MLLT3: variants seen among roughly 807,000 people sequenced by gnomAD.
The protein encoded by MLLT3 is MLLT3 super elongation complex subunit, also known as protein AF-9.
MLLT3 carries 4 observed loss-of-function variants against 53.2 expected under a neutral mutation model. The observed-to-expected ratio is 0.08, with a 90% CI of 0.04 to 0.17. The LOEUF (loss-of-function observed/expected upper bound fraction) is 0.17. Among genes scored for constraint, MLLT3 ranks in the 10% least tolerant of loss-of-function variants. The probability of loss-of-function intolerance (pLI) is 1.00; values close to 1 mark genes in which losing one functional copy is unlikely to be tolerated. For synonymous variants in MLLT3, 283 were observed against 230.6 expected (o/e 1.23, Z -2.06); for missense variants, 569 against 684.0 (o/e 0.83, Z 1.87).
At chr9:20,515,027 A>C (rs1310886747) in intron 2 of MLLT3, among the ~76,000 whole-genome samples, 1 of 143,544 alleles carries the variant, frequency 7.0e-6, no homozygotes, top group East Asian at 2.0e-4. Flanking sequence ...GCTCACCGCA[A>C]CCTCTGCCTC....
chr9:20,608,288 G>T (rs1160396636), intron 2 of MLLT3, among the ~76,000 whole-genome samples: 1 of 151,836 alleles, frequency 6.6e-6, no homozygotes, highest in Non-Finnish European at 1.5e-5. Flanking sequence ...GATTTTTAAA[G>T]TCAGATGTAG....
At chr9:20,546,910 GTTC>G in intron 2 of MLLT3, among the ~76,000 whole-genome samples, 1 of 152,316 alleles carries the variant, frequency 6.6e-6, no homozygotes, top group East Asian at 1.9e-4. Flanking sequence ...AGCAGTTGCA[GTTC>G]TTCTGCCCAG....
rs555349226 is a variant in MLLT3 at position 20,392,719 on chromosome 9, A to T, written c.1125+21002T>A. Reference sequence around the variant, plus strand: ...CATATCTTTATGAAATTTGCAATAAACATAACAAATAGGACAGGACAAAAG... The same window carrying T: ...CATATCTTTATGAAATTTGCAATAATCATAACAAATAGGACAGGACAAAAG... On this transcript the variant is annotated intron_variant, in intron 5 of 10. Coordinates refer to ENST00000380338, the MANE Select transcript of MLLT3 (RefSeq NM_004529.4). Among the ~76,000 whole-genome samples the T allele has an allele frequency of 2.6e-5, 4 of 152,286 alleles. No homozygotes were observed. In the South Asian group the frequency reaches 8.3e-4, roughly 32 times the overall value.
intron 4 of MLLT3, among the ~76,000 whole-genome samples, chr9:20,417,537 T>C (rs952096127): frequency 6.6e-6 from 1 of 151,894 alleles, no homozygotes; most frequent in African/African-American, 2.4e-5. Flanking sequence ...ATAATTCAAA[T>C]TCTCTTCGCC....
Position 20,419,021 on chromosome 9 carries a change from G to A in MLLT3, c.421-4596C>T, listed in dbSNP as rs62552435. ...TACAACAGCCTAAAGTCCCCTAACA[G>A]CTCAACCTCAATCCCAATGCACATA... On this transcript the variant is annotated intron_variant, in intron 4 of 10. Transcript: ENST00000380338. Among the ~76,000 whole-genome samples, 1,510 of 152,174 alleles carry A rather than the reference G, an allele frequency of 9.9e-3. 16 individuals carry two copies. The highest frequency in any genetic ancestry group is 0.015 in the Non-Finnish European group (996 of 68,016).
intron 2 of MLLT3, among the ~76,000 whole-genome samples, chr9:20,572,581 G>T (rs1288786752): frequency 6.6e-6 from 1 of 152,162 alleles, no homozygotes; most frequent in Non-Finnish European, 1.5e-5. Context: ...ATCACTTGAG[G>T]TCAGGGATTC....
chr9:20,558,915 G>A (rs996994208), intron 2 of MLLT3, among the ~76,000 whole-genome samples: 2 of 152,212 alleles, frequency 1.3e-5, no homozygotes, highest in Non-Finnish European at 2.9e-5. Flanking sequence ...GAAGGGGAGA[G>A]CATCTTTCTC....
chr9:20,522,786 G>T (rs950825674), intron 2 of MLLT3, among the ~76,000 whole-genome samples: 1 of 151,914 alleles, frequency 6.6e-6, no homozygotes, highest in Admixed American at 6.6e-5. Flanking sequence ...TATACAAAGG[G>T]CCCAGTGCAG....
At position 20,545,366 on chromosome 9, in the gene MLLT3, G is replaced by T. The variant is rs565034148; in HGVS notation, c.193+75288C>A. Among the ~76,000 whole-genome samples the T allele has an allele frequency of 3.9e-5, 6 of 152,256 alleles. No homozygotes were observed. In the South Asian group the frequency reaches 1.2e-3, roughly 32 times the overall value. On this transcript the variant is annotated intron_variant, in intron 2 of 10. Transcript: ENST00000380338. The stretch of plus-strand genomic sequence containing the variant: ...GGCATTTACAGTGGTCAAACTCACA[G>T]AAACACAAAGTAGAATGGTGGCTGC...
intron 2 of MLLT3, among the ~76,000 whole-genome samples, chr9:20,608,053 G>T (rs1478497171): frequency 6.6e-6 from 1 of 151,964 alleles, no homozygotes; most frequent in Admixed American, 6.6e-5. Flanking sequence ...ATCCAAAAAG[G>T]ACCACTTCTT....
intron 2 of MLLT3, among the ~76,000 whole-genome samples, chr9:20,495,898 C>G (rs1563786620): frequency 6.6e-6 from 1 of 152,168 alleles, no homozygotes; most frequent in Non-Finnish European, 1.5e-5. Context: ...AGTAGACAGT[C>G]AATGTTATAC....
intron 2 of MLLT3, among the ~76,000 whole-genome samples, chr9:20,586,395 TG>T (rs1166320497): frequency 7.2e-6 from 1 of 139,720 alleles, no homozygotes; most frequent in Non-Finnish European, 1.6e-5. Flanking sequence ...ATTCTGTGAC[TG>T]GAAAGAAAAA....
chr9:20,359,307 C>G (rs1266344645), intron 8 of MLLT3, among the ~76,000 whole-genome samples: 2 of 152,124 alleles, frequency 1.3e-5, no homozygotes, highest in Admixed American at 6.5e-5. Context: ...TGTCTTTCCT[C>G]TTTTTACTTT....
chr9:20,572,266 G>A (rs184624889), intron 2 of MLLT3, among the ~76,000 whole-genome samples: 3 of 152,234 alleles, frequency 2.0e-5, no homozygotes, highest in African/African-American at 7.2e-5. Flanking sequence ...CAGTTAAATG[G>A]AAGGAATAAG....
intron 2 of MLLT3, among the ~76,000 whole-genome samples, chr9:20,616,057 A>T (rs1016447459): frequency 6.6e-6 from 1 of 152,174 alleles, no homozygotes; most frequent in Non-Finnish European, 1.5e-5. Context: ...AAATTAATAG[A>T]TATAACTTAC....
At chr9:20,416,003 A>C (rs1412876371) in intron 4 of MLLT3, among the ~76,000 whole-genome samples, 1 of 151,980 alleles carries the variant, frequency 6.6e-6, no homozygotes, top group Non-Finnish European at 1.5e-5. Context: ...ACTTGTTTTT[A>C]TGCACTAAAT....
chr9:20,536,967 C>T (rs1298626628), intron 2 of MLLT3, among the ~76,000 whole-genome samples: 1 of 152,086 alleles, frequency 6.6e-6, no homozygotes, highest in Non-Finnish European at 1.5e-5. Context: ...GAAGAACAAC[C>T]GTCTGGTTCT....
At chr9:20,583,403 A>G (rs943098842) in intron 2 of MLLT3, among the ~76,000 whole-genome samples, 2 of 152,106 alleles carry the variant, frequency 1.3e-5, no homozygotes, top group Non-Finnish European at 2.9e-5. Context: ...TCTGGAGGAC[A>G]GTAGCCTTCT....
chr9:20,581,208 G>C (rs1046675354), intron 2 of MLLT3, among the ~76,000 whole-genome samples: 6 of 152,128 alleles, frequency 3.9e-5, no homozygotes, highest in Admixed American at 3.9e-4. Flanking sequence ...TGTTTCTCAA[G>C]TTCTTTGATA....
Sources: gnomAD v4.1 joint callset for allele counts (sites outside exome capture counted in the v4.1 genomes callset) on GRCh38, gnomAD v4.1.1 for gene constraint, MANE v1.5 for transcripts, NCBI Gene and HGNC (gene_info 2026-07-23, HGNC 2026-07-21) for gene names.